The following SESTD1 variants were observed in gnomAD, a reference collection of about 807,000 sequenced individuals.
The protein encoded by SESTD1 is SEC14 and spectrin domain containing 1, also known as SEC14 domain and spectrin repeat-containing protein 1.
SESTD1 carries 43 observed loss-of-function variants against 101.7 expected under a neutral mutation model. The ratio of observed to expected loss-of-function variants is 0.42; its 90% CI spans 0.33 to 0.55. SESTD1 has a LOEUF of 0.55. Ranked by LOEUF, SESTD1 falls within the 20% of genes least tolerant of loss-of-function variation. SESTD1 has a pLI of 0.07. For missense variants in SESTD1, 647 were observed against 815.1 expected (o/e 0.79, Z 2.51); for synonymous variants, 283 against 286.8 (o/e 0.99, Z 0.13).
chr2:179,203,264 C>A (rs917416299), intron 1 of SESTD1, among the ~76,000 whole-genome samples: 1 of 134,910 alleles, frequency 7.4e-6, no homozygotes, highest in East Asian at 2.0e-4. Flanking sequence ...TGCAACCTTG[C>A]AGCATATTTT....
intron 1 of SESTD1, among the ~76,000 whole-genome samples, chr2:179,197,848 C>A (rs1320102490): frequency 6.6e-6 from 1 of 152,018 alleles, no homozygotes; most frequent in African/African-American, 2.4e-5. Flanking sequence ...CCAGCCACTG[C>A]AAAATCATGC....
chr2:179,104,371 GA>G lies in SESTD1; in HGVS notation c.*5527del. On this transcript the variant is annotated 3_prime_UTR_variant, in exon 18 of 18. Transcript: ENST00000428443. ...AAAGATAACATAAGAGTTAAGATGA[GA>G]AAACATTCCTAAGAGAAAAATCAAA... is the stretch of plus-strand genomic sequence containing the variant. 6.6e-6 allele frequency: 1 copy of G among 152,198 alleles called. No individual in the cohort carries two copies. The highest frequency in any genetic ancestry group is 1.9e-4 in the East Asian group (1 of 5,184). 9.4% of individuals were successfully genotyped at this position (152,198 alleles called of 1,614,324 possible).
intron 1 of SESTD1, among the ~76,000 whole-genome samples, chr2:179,194,543 C>T (rs1298703194): frequency 6.6e-6 from 1 of 152,126 alleles, no homozygotes; most frequent in Non-Finnish European, 1.5e-5. Context: ...AAAAATCCCA[C>T]ATATGGTCTC....
chr2:179,241,585 T>C (rs890419893), intron 1 of SESTD1, among the ~76,000 whole-genome samples: 1 of 151,500 alleles, frequency 6.6e-6, no homozygotes, highest in Non-Finnish European at 1.5e-5. Flanking sequence ...CTCGGGCCAG[T>C]TCAACACCAG....
intron 5 of SESTD1, among the ~76,000 whole-genome samples, chr2:179,167,238 G>A (rs2105469207): frequency 6.6e-6 from 1 of 152,258 alleles, no homozygotes; most frequent in Non-Finnish European, 1.5e-5. Flanking sequence ...TCAAAAGCAT[G>A]GTAATTTTCA....
rs570675731 is a variant in SESTD1 at position 179,264,595 on chromosome 2, G to A, written c.-122C>T. On this transcript the variant is annotated 5_prime_UTR_variant, in exon 1 of 18. Coordinates refer to ENST00000428443, the MANE Select transcript of SESTD1 (RefSeq NM_178123.5). ...CGGGCGGAGGCGGAGGGCGCGGCGG[G>A]AGGAAGGCGGGCTGGGGGCGGAGCG... is the stretch of plus-strand genomic sequence containing the variant. 6.8e-4 allele frequency: 103 copies of A among 152,378 alleles called. No homozygotes were observed. The highest frequency in any genetic ancestry group is 6.7e-3 in the South Asian group (38 of 5,688). The allele number at this position is 152,378 out of a possible 1,614,324, so 9.4% of individuals were successfully genotyped here.
intron 1 of SESTD1, among the ~76,000 whole-genome samples, chr2:179,248,597 A>C (rs2047267330): frequency 6.6e-6 from 1 of 152,134 alleles, no homozygotes; most frequent in Non-Finnish European, 1.5e-5. Flanking sequence ...CAACAAGCTA[A>C]AGGAGGTAAC....
intron 3 of SESTD1, among the ~76,000 whole-genome samples, chr2:179,178,355 G>A (rs1292224061): frequency 3.3e-5 from 5 of 152,154 alleles, no homozygotes; most frequent in African/African-American, 1.2e-4. Context: ...AGGGGGCTAG[G>A]CGTGGTGCCT....
chr2:179,262,541 T>C lies in SESTD1; in HGVS notation c.-26+1958A>G, dbSNP rs182196747. Among the ~76,000 whole-genome samples, 801 of 152,272 alleles carry C rather than the reference T, an allele frequency of 5.3e-3. 8 individuals carry two copies. Among genetic ancestry groups the C allele is most frequent in the African/African-American group, 0.019 (779 of 41,552 alleles). On this transcript the variant is annotated intron_variant, in intron 1 of 17. Coordinates refer to ENST00000428443, the MANE Select transcript of SESTD1 (RefSeq NM_178123.5). ...GTTGCTCATGTTGCTTGTAACAGCT[T>C]TAAAAGATCTTTGAAGTTAGCTACT... is the stretch of plus-strand genomic sequence containing the variant.
intron 5 of SESTD1, among the ~76,000 whole-genome samples, chr2:179,161,652 C>T (rs1474952750): frequency 6.7e-6 from 1 of 148,740 alleles, no homozygotes; most frequent in Admixed American, 6.7e-5. Flanking sequence ...CACAGTGAGA[C>T]TCCGTCTCAA....
rs1246361267 is a variant in SESTD1 at position 179,104,924 on chromosome 2, T to C, written c.*4975A>G. On this transcript the variant is annotated 3_prime_UTR_variant, in exon 18 of 18. Transcript: ENST00000428443. Reference sequence around the variant, plus strand: ...CTTGAAGTAGAGGGACTAGTGTTTATTCTCAAGCTTTCATGTTTGCTTTAA... The same window carrying C: ...CTTGAAGTAGAGGGACTAGTGTTTACTCTCAAGCTTTCATGTTTGCTTTAA... 1 of 152,150 alleles carries C rather than the reference T, an allele frequency of 6.6e-6. No individual in the cohort carries two copies. The highest frequency in any genetic ancestry group is 2.4e-5 in the African/African-American group (1 of 41,434). 9.4% of individuals were successfully genotyped at this position (152,150 alleles called of 1,614,324 possible). A position where few individuals can be genotyped will look rare whatever the true frequency, so the allele number is the denominator to read the frequency against.
At chr2:179,185,682 T>TATATATAATATAGTATATCATATACA in intron 2 of SESTD1, among the ~76,000 whole-genome samples, 1 of 107,842 alleles carries the variant, frequency 9.3e-6, no homozygotes, top group South Asian at 2.7e-4. Flanking sequence ...TATAGCATAT[T>TATATATAATATAGTATATCATATACA]ATATATAATA....
intron 5 of SESTD1, among the ~76,000 whole-genome samples, chr2:179,158,853 C>T (rs992886513): frequency 2.7e-4 from 41 of 152,140 alleles, no homozygotes; most frequent in Non-Finnish European, 5.4e-4. Flanking sequence ...AGTTAAATAA[C>T]GTATGTGGGG....
At chr2:179,156,373 T>C (rs143227262) in intron 5 of SESTD1, among the ~76,000 whole-genome samples, 2,061 of 152,344 alleles carry the variant, frequency 0.014, 22 homozygotes, top group Non-Finnish European at 0.02. Context: ...CTGGATCAAA[T>C]GGTAGTTCTA....
chr2:179,130,233 G>A (rs1272712545), intron 10 of SESTD1, among the ~76,000 whole-genome samples: 1 of 152,064 alleles, frequency 6.6e-6, no homozygotes, highest in East Asian at 1.9e-4. Flanking sequence ...AGAGATCTGT[G>A]TCTTAACAAT....
intron 17 of SESTD1, among the ~76,000 whole-genome samples, chr2:179,111,112 G>T (rs2044496335): frequency 6.6e-6 from 1 of 152,170 alleles, no homozygotes; most frequent in African/African-American, 2.4e-5. Context: ...GAGGGTAAGG[G>T]ATCCTGGAAT....
At chr2:179,185,929 T>C (rs1175081373) in intron 2 of SESTD1, among the ~76,000 whole-genome samples, 2 of 136,078 alleles carry the variant, frequency 1.5e-5, no homozygotes, top group East Asian at 2.1e-4. Context: ...ATATAGCATA[T>C]ACAATATATT....
intron 1 of SESTD1, among the ~76,000 whole-genome samples, chr2:179,243,231 C>G (rs2105548648): frequency 6.6e-6 from 1 of 151,980 alleles, no homozygotes. Context: ...GTCAGAATGG[C>G]TATTATTAAA....
At chr2:179,128,324 CG>C (rs2044924898) in intron 10 of SESTD1, among the ~76,000 whole-genome samples, 1 of 151,986 alleles carries the variant, frequency 6.6e-6, no homozygotes, top group African/African-American at 2.4e-5. Context: ...TTGATATTAC[CG>C]ATTGAGGTTG....
Sources: gnomAD v4.1 joint callset for allele counts (sites outside exome capture counted in the v4.1 genomes callset) on GRCh38, gnomAD v4.1.1 for gene constraint, MANE v1.5 for transcripts, NCBI Gene and HGNC (gene_info 2026-07-23, HGNC 2026-07-21) for gene names.